The following PCGF5 variants were observed in gnomAD, a reference collection of about 807,000 sequenced individuals.
The protein encoded by PCGF5 is polycomb group RING finger protein 5.
A neutral mutation model predicts 44.3 loss-of-function variants in PCGF5; 9 were observed. That is an observed-to-expected ratio of 0.20 (90% CI 0.12 to 0.35). PCGF5 has a LOEUF of 0.35. Ranked by LOEUF, PCGF5 falls within the 10% of genes least tolerant of loss-of-function variation. PCGF5 has a pLI of 1.00. For missense variants in PCGF5, 146 were observed against 305.3 expected, an observed-to-expected ratio of 0.48 and a Z score of 3.89; for synonymous variants, 95 against 102.5, an observed-to-expected ratio of 0.93 and a Z score of 0.44.
upstream of PCGF5, among the ~76,000 whole-genome samples, chr10:91,159,042 AAT>A (rs1843349820): frequency 2.0e-5 from 3 of 152,168 alleles, no homozygotes; most frequent in African/African-American, 7.2e-5. Context: ...GGAAGCAGGA[AAT>A]GTAGAGAAAT....
intron 2 of PCGF5, among the ~76,000 whole-genome samples, chr10:91,239,009 C>T (rs1325009991): frequency 6.6e-6 from 1 of 152,026 alleles, no homozygotes; most frequent in Non-Finnish European, 1.5e-5. Context: ...CAGGTACATT[C>T]ATCCAACAAA....
chr10:91,214,771 G>A (rs1485346565), intron 1 of PCGF5, among the ~76,000 whole-genome samples: 1 of 152,204 alleles, frequency 6.6e-6, no homozygotes, highest in African/African-American at 2.4e-5. Context: ...ATTGCATTGG[G>A]TCTGAGGAAG....
intron 3 of PCGF5, among the ~76,000 whole-genome samples, chr10:91,244,212 A>G (rs1364181385): frequency 2.0e-5 from 3 of 152,052 alleles, no homozygotes; most frequent in African/African-American, 7.2e-5. Flanking sequence ...AATTTTAAAT[A>G]AGATGGTGAT....
chr10:91,232,865 G>T (rs1845048664), intron 2 of PCGF5, among the ~76,000 whole-genome samples: 1 of 152,134 alleles, frequency 6.6e-6, no homozygotes, highest in African/African-American at 2.4e-5. Context: ...GAAGCGTAAT[G>T]GACTTGGGGC....
chr10:91,234,013 C>G (rs1845084806), intron 2 of PCGF5, among the ~76,000 whole-genome samples: 1 of 152,168 alleles, frequency 6.6e-6, no homozygotes, highest in Non-Finnish European at 1.5e-5. Context: ...CACTCAAGAG[C>G]AGAAATTTGT....
chr10:91,196,058 G>C (rs548229567), intron 1 of PCGF5, among the ~76,000 whole-genome samples: 1 of 151,624 alleles, frequency 6.6e-6, no homozygotes, highest in African/African-American at 2.4e-5. Context: ...TACTGGTCAA[G>C]TGTTGCCCCA....
intron 1 of PCGF5, among the ~76,000 whole-genome samples, chr10:91,175,195 A>G (rs573120282): frequency 1.3e-5 from 2 of 152,312 alleles, no homozygotes; most frequent in South Asian, 4.1e-4. Flanking sequence ...TCTTTAACAG[A>G]GACTGGACAT....
Position 91,278,432 on chromosome 10 carries a change from A to C in PCGF5, c.*116A>C. On this transcript the variant is annotated 3_prime_UTR_variant, in exon 10 of 10. Transcript: ENST00000336126. ...AACACAACCAGATTTTCAGCATGCA[A>C]ATAAGGCCATTGTCTATCTCTAAAT... The C allele has an allele frequency of 1.1e-6, 1 of 900,004 alleles. No individual in the cohort carries two copies. The highest frequency in any genetic ancestry group is 1.4e-5 in the South Asian group (1 of 69,296). The allele number at this position is 900,004 out of a possible 1,614,324, so 55.8% of individuals were successfully genotyped here.
chr10:91,181,376 G>A (rs1843816212), intron 1 of PCGF5, among the ~76,000 whole-genome samples: 1 of 152,154 alleles, frequency 6.6e-6, no homozygotes, highest in Non-Finnish European at 1.5e-5. Flanking sequence ...GCCCTGGCCG[G>A]AACTTTGAAT....
chr10:91,196,676 C>G (rs1844140768), intron 1 of PCGF5, among the ~76,000 whole-genome samples: 1 of 152,290 alleles, frequency 6.6e-6, no homozygotes, highest in Non-Finnish European at 1.5e-5. Context: ...CAGAGGGTGA[C>G]AAATGCTATT....
intron 8 of PCGF5, among the ~76,000 whole-genome samples, chr10:91,268,449 A>G (rs1202670526): frequency 6.6e-6 from 1 of 152,120 alleles, no homozygotes; most frequent in Non-Finnish European, 1.5e-5. Flanking sequence ...GCATTGCGTT[A>G]TATTTCTAGA....
intron 2 of PCGF5, among the ~76,000 whole-genome samples, chr10:91,234,888 AC>A (rs1845113346): frequency 6.6e-6 from 1 of 152,220 alleles, no homozygotes; most frequent in Non-Finnish European, 1.5e-5. Flanking sequence ...ATTATCTGGA[AC>A]AACTATGCTA....
chr10:91,264,481 A>G lies in PCGF5; in HGVS notation c.624A>G (p.Glu208=), dbSNP rs1395876096. 2 of 1,611,650 alleles carry G rather than the reference A, an allele frequency of 1.2e-6. No homozygotes were observed. Among genetic ancestry groups the G allele is most frequent in the African/African-American group, 2.7e-5 (2 of 74,848 alleles). ...GEIMGKDHTM[E]FIYMTRWRLR... ...TTATGGGGAAGGATCATACTATGGA[A>G]TTCATCTACATGACAAGATGGCGAC... is the stretch of plus-strand genomic sequence containing the variant. Residue 208 remains glutamate (E), a synonymous_variant, in exon 8 of 10, where the codon GAA becomes GAG. Coordinates refer to ENST00000336126, the MANE Select transcript of PCGF5 (RefSeq NM_032373.5).
chr10:91,193,959 A>G (rs1844081531), intron 1 of PCGF5, among the ~76,000 whole-genome samples: 1 of 152,162 alleles, frequency 6.6e-6, no homozygotes, highest in South Asian at 2.1e-4. Flanking sequence ...TAAGAGAGAG[A>G]GGAGTTTAGG....
At chr10:91,218,841 G>T (rs1844598538), upstream of PCGF5, among the ~76,000 whole-genome samples, 1 of 152,024 alleles carries the variant, frequency 6.6e-6, no homozygotes, top group East Asian at 1.9e-4. Context: ...TATTGGCCAG[G>T]CTGGTCTCAA....
At chr10:91,164,834 A>AT (rs1843470518) in intron 1 of PCGF5, among the ~76,000 whole-genome samples, 1 of 151,998 alleles carries the variant, frequency 6.6e-6, no homozygotes, top group Non-Finnish European at 1.5e-5. Flanking sequence ...CCATAATACT[A>AT]TTTTATTTTC....
At chr10:91,190,697 G>A (rs948309436) in intron 1 of PCGF5, among the ~76,000 whole-genome samples, 1 of 152,098 alleles carries the variant, frequency 6.6e-6, no homozygotes, top group African/African-American at 2.4e-5. Context: ...TCCCCTTAAT[G>A]CTAAGTGCTC....
intron 2 of PCGF5, among the ~76,000 whole-genome samples, chr10:91,225,183 C>CCCTATATAT (rs1205107716): frequency 2.7e-5 from 4 of 146,068 alleles, no homozygotes; most frequent in East Asian, 4.0e-4. Context: ...AGCTTATAAG[C>CCCTATATAT]AAAGGGATAT....
intron 1 of PCGF5, among the ~76,000 whole-genome samples, chr10:91,195,954 C>T (rs1434219441): frequency 1.3e-5 from 2 of 150,556 alleles, no homozygotes; most frequent in Non-Finnish European, 3.0e-5. Flanking sequence ...GACCTGTTCC[C>T]ACAGGACACC....
Sources: allele counts gnomAD v4.1 joint callset (sites outside exome capture counted in the v4.1 genomes callset), GRCh38; gene constraint gnomAD v4.1.1; transcripts MANE v1.5; gene names NCBI Gene and HGNC (gene_info 2026-07-23, HGNC 2026-07-21).